The following CDK11A variants were observed in gnomAD, a reference collection of about 807,000 sequenced individuals.
The protein encoded by CDK11A is cyclin dependent kinase 11A.
A neutral mutation model predicts 83.6 loss-of-function variants in CDK11A; 55 were observed. The ratio of observed to expected loss-of-function variants is 0.66; its 90% confidence interval spans 0.53 to 0.82. The LOEUF (loss-of-function observed/expected upper bound fraction) is 0.82. Among genes scored for constraint, CDK11A ranks in the 40% least tolerant of loss-of-function variants. CDK11A has a pLI of 0.00. For missense variants in CDK11A, 564 were observed against 810.1 expected (o/e 0.70, Z 3.69); for synonymous variants, 247 against 302.7 (o/e 0.82, Z 1.91).
intron 11 of CDK11A, among the ~76,000 whole-genome samples, chr1:1,706,099 G>C (rs1298434203): frequency 1.3e-5 from 2 of 150,746 alleles, no homozygotes; most frequent in African/African-American, 4.9e-5. Context: ...TTGAGATGGA[G>C]TCTCGCTCTG....
rs754377026 is a variant in CDK11A at position 1,704,091 on chromosome 1, G to A, written c.1742C>T (p.Pro581Leu). 4.8e-5 allele frequency: 77 copies of A among 1,599,126 alleles called. 3 individuals carry two copies. Among genetic ancestry groups the A allele is most frequent in the African/African-American group, 5.4e-5 (4 of 74,320 alleles). ...GCGGTACCACTGGGTCACCACGACC[G>A]GGGTGTAGGCCTTCAGAGGGGATCC... ...EYGSPLKAYT[P>L]VVVTQWYRAP... is the part of the protein sequence containing the mutation. The change falls in exon 16 of 20, where the codon CCG becomes CTG. Residue 581 changes from proline to leucine, a missense_variant. This residue lies in a region of CDK11A where 361 missense variants were observed against 402.7 expected (regional missense o/e 0.90). Coordinates refer to ENST00000404249, the MANE Select transcript of CDK11A (RefSeq NM_024011.4).
chr1:1,721,723 A>G lies in CDK11A; in HGVS notation c.112-12T>C, dbSNP rs763961101. 4.5e-6 allele frequency: 7 copies of G among 1,549,850 alleles called. No homozygotes were observed. The highest frequency in any genetic ancestry group is 8.8e-7 in the Non-Finnish European group (1 of 1,130,602). ...TCCCGGTCATCAGACTAAGAAGCAA[A>G]GAGAAAGTTAATCATTTTCTTTATA... On this transcript the variant is annotated splice_polypyrimidine_tract_variant and intron_variant, in intron 2 of 19. Transcript: ENST00000404249.
chr1:1,704,122 C>G lies in CDK11A; in HGVS notation c.1711G>C (p.Glu571Gln). 3 of 1,603,966 alleles carry G rather than the reference C, an allele frequency of 1.9e-6. 1 individual carries two copies. Among genetic ancestry groups the G allele is most frequent in the Non-Finnish European group, 2.6e-6 (3 of 1,174,122 alleles). ...LKVGDFGLAR[E>Q]YGSPLKAYTP... ...TAGGCCTTCAGAGGGGATCCGTACTCCCGCGCCAGCCCAAAATCACCCACC... is the reference window on the plus strand; with the variant it reads ...TAGGCCTTCAGAGGGGATCCGTACTGCCGCGCCAGCCCAAAATCACCCACC... Residue 571 changes from glutamate (E) to glutamine (Q), a missense_variant, in exon 16 of 20, where the codon GAG becomes CAG. Physicochemically the swap from Glu to Gln is conservative, Grantham distance 29 (BLOSUM62 2). Coordinates refer to ENST00000404249, the MANE Select transcript of CDK11A (RefSeq NM_024011.4).
Position 1,708,084 on chromosome 1 carries a change from C to G in CDK11A, c.1069+96G>C, listed in dbSNP as rs1333432866. 3.8e-6 allele frequency: 6 copies of G among 1,568,652 alleles called. No individual in the cohort carries two copies. In the East Asian group the frequency reaches 1.4e-4, roughly 36 times the overall value. ...AATCAGGCGGCCTCCCAGACCCTGG[C>G]GTGCCCCACGCCGCGCAGGACCGGC... On this transcript the variant is annotated intron_variant, in intron 10 of 19. Coordinates refer to ENST00000404249, the MANE Select transcript of CDK11A (RefSeq NM_024011.4).
Position 1,703,251 on chromosome 1 carries a change from G to A in CDK11A, c.2079C>T (p.Pro693=), listed in dbSNP as rs770894402. 6.4e-3 allele frequency: 2,973 copies of A among 464,974 alleles called. 42 individuals carry two copies. The African/African-American group carries it at 0.14, about 22-fold the overall frequency. 28.8% of individuals were successfully genotyped at this position (464,974 alleles called of 1,614,324 possible). A position where few individuals can be genotyped will look rare whatever the true frequency, so the allele number is the denominator to read the frequency against. The change falls in exon 19 of 20, where the codon CCC becomes CCT. Residue 693 remains proline, a synonymous_variant. Coordinates refer to ENST00000404249, the MANE Select transcript of CDK11A (RefSeq NM_024011.4). The part of the protein sequence containing the change: ...DLMNKFLTYF[P]GRRISAEDGL... ...CGTCCTCAGCGCTGATCCTCCTCCC[G>A]GGGAAGTAGGTCAGGAACCTGGGGG... is the stretch of plus-strand genomic sequence containing the variant.
At chr1:1,722,112 CA>C (rs964644289) in intron 2 of CDK11A, among the ~76,000 whole-genome samples, 2 of 147,974 alleles carry the variant, frequency 1.4e-5, no homozygotes, top group Admixed American at 6.8e-5. Flanking sequence ...GTCTCAAAAA[CA>C]AAAAAAAAGC....
Position 1,721,925 on chromosome 1 carries a change from G to C in CDK11A, c.112-214C>G, listed in dbSNP as rs922621601. ...CCAGCACTTTGGGAGGCCGAGGCGG[G>C]TGGATCACGAGGTCAGGACATTAAG... On this transcript the variant is annotated intron_variant, in intron 2 of 19. Coordinates refer to ENST00000404249, the MANE Select transcript of CDK11A (RefSeq NM_024011.4). 16 of 497,966 alleles carry C rather than the reference G, an allele frequency of 3.2e-5. 3 individuals are homozygous for C. Among genetic ancestry groups the C allele is most frequent in the Admixed American group, 1.4e-4 (4 of 28,492 alleles). The allele number at this position is 497,966 out of a possible 1,614,324, so 30.8% of individuals were successfully genotyped here. A position where few individuals can be genotyped will look rare whatever the true frequency, so the allele number is the denominator to read the frequency against.
At chr1:1,719,931 C>T (rs920136834) in intron 3 of CDK11A, among the ~76,000 whole-genome samples, 3 of 148,730 alleles carry the variant, frequency 2.0e-5, no homozygotes, top group African/African-American at 7.4e-5. Flanking sequence ...TCTTAAGATT[C>T]AGATGAAAAA....
intron 10 of CDK11A, 49 bp downstream of exon 10, chr1:1,708,131 C>T (rs141165289): frequency 0.083 from 130,421 of 1,562,168 alleles, 10,040 homozygotes; most frequent in African/African-American, 0.39. Flanking sequence ...AGGGCTGCTG[C>T]ACTCGGAGAC....
chr1:1,721,839 A>G (rs1644917748), intron 2 of CDK11A, 128 bp from the exon 3 acceptor site: 1 of 1,299,186 alleles, frequency 7.7e-7, no homozygotes, highest in Non-Finnish European at 1.0e-6. Context: ...ACTCTGAATG[A>G]GCCAGTGTTA....
At chr1:1,718,886 T>A (rs1202559187) in intron 4 of CDK11A, among the ~76,000 whole-genome samples, 2 of 150,870 alleles carry the variant, frequency 1.3e-5, no homozygotes, top group Non-Finnish European at 3.0e-5. Context: ...TCCACCCGCC[T>A]CAGCCTCCCA....
Position 1,704,292 on chromosome 1 carries a change from G to C in CDK11A, c.1617C>G (p.His539Gln), listed in dbSNP as rs377008127. 2.5e-4 allele frequency: 397 copies of C among 1,607,536 alleles called. 18 individuals carry two copies. The highest frequency in any genetic ancestry group is 3.3e-4 in the Non-Finnish European group (392 of 1,176,092). Reference sequence around the variant, plus strand: ...GGTCACGGTGCAGGATCCAGTTGTCGTGCAGGTGTTTCACCCCCCGCAGCA... The same window carrying C: ...GGTCACGGTGCAGGATCCAGTTGTCCTGCAGGTGTTTCACCCCCCGCAGCA... ...IQLLRGVKHLHDNWILHRDLK... is the reference protein window; with the variant it reads ...IQLLRGVKHLQDNWILHRDLK... Residue 539 changes from histidine to glutamine, a missense_variant, in exon 15 of 20, where the codon CAC (histidine) becomes CAG (glutamine). By Grantham distance (24) the His-to-Gln change is conservative (BLOSUM62 0). Around this residue, in one of 5 missense-constraint regions of CDK11A, gnomAD observed 361 missense variants for 402.7 expected, o/e 0.90. Transcript: ENST00000404249.
At chr1:1,718,348 C>T (rs372495455) in intron 4 of CDK11A, among the ~76,000 whole-genome samples, 4 of 150,360 alleles carry the variant, frequency 2.7e-5, no homozygotes, top group South Asian at 2.1e-4. Context: ...CTGTGACACA[C>T]GCATGCTTTC....
At chr1:1,721,860 A>G in intron 2 of CDK11A, 149 bp from the exon 3 acceptor site, 2 of 1,217,136 alleles carry the variant, frequency 1.6e-6, no homozygotes, top group Non-Finnish European at 2.2e-6. Flanking sequence ...TAAAATATAA[A>G]GAATTTTTGG....
At position 1,707,473 on chromosome 1, in the gene CDK11A, T is replaced by C; in HGVS notation, c.1181A>G (p.Asp394Gly). ...CTCGATGGGCAACAGGGCAGGGGAGTCGGGCACATAGTCGCCCTCTGTCAG... is the reference window on the plus strand; with the variant it reads ...CTCGATGGGCAACAGGGCAGGGGAGCCGGGCACATAGTCGCCCTCTGTCAG... ...SALTEGDYVP[D>G]SPALLPIELK... The change falls in exon 11 of 20, where the codon GAC becomes GGC. Residue 394 changes from aspartate (D) to glycine (G), a missense_variant. Asp to Gly is a moderately conservative substitution (Grantham distance 94). Around this residue, in one of 5 missense-constraint regions of CDK11A, gnomAD observed 361 missense variants for 402.7 expected, o/e 0.90. Transcript: ENST00000404249. The C allele has an allele frequency of 2.5e-6, 4 of 1,604,598 alleles. No individual in the cohort carries two copies. Among genetic ancestry groups the C allele is most frequent in the Non-Finnish European group, 3.4e-6 (4 of 1,175,096 alleles).
At chr1:1,716,230 T>C (rs1487213320) in intron 5 of CDK11A, 116 bp downstream of exon 5, 4 of 1,201,114 alleles carry the variant, frequency 3.3e-6, no homozygotes, top group Non-Finnish European at 4.8e-6. Context: ...GCTGTTTCCA[T>C]GTCTACCACT....
rs958955488 is a variant in CDK11A at position 1,713,430 on chromosome 1, GTCT to G, written c.489-1033_489-1031del. 7.9e-4 allele frequency among the ~76,000 whole-genome samples: 43 copies of G among 54,414 alleles called. 5 individuals are homozygous for G. Among genetic ancestry groups the G allele is most frequent in the African/African-American group, 1.5e-3 (42 of 27,388 alleles). The allele number at this position is 54,414 out of a possible 152,430, so 35.7% of individuals were successfully genotyped here. On this transcript the variant is annotated intron_variant, in intron 5 of 19. Coordinates refer to ENST00000404249, the MANE Select transcript of CDK11A (RefSeq NM_024011.4). Reference sequence around the variant, plus strand: ...GGATTTACTTTCCTTGCTTTGTTGTGTCTTTTTTATTCTTCCCTTTTTGATTTT... The same window carrying G: ...GGATTTACTTTCCTTGCTTTGTTGTGTTTTTATTCTTCCCTTTTTGATTTT...
At position 1,703,855 on chromosome 1, in the gene CDK11A, G is replaced by C. The variant is rs757293035; in HGVS notation, c.1880C>G (p.Ser627Trp). ...CACTTTGTTGATCTGATCGATTTCC[G>C]AATTCCCGGGGAACAGAGGCTTCTG... ...LTQKPLFPGN[S>W]EIDQINKVFK... Residue 627 changes from serine (S) to tryptophan (W), a missense_variant, in exon 17 of 20, where the codon TCG (serine) becomes TGG (tryptophan). Transcript: ENST00000404249. 3.7e-6 allele frequency: 6 copies of C among 1,609,662 alleles called. No homozygotes were observed. The Admixed American group carries it at 6.7e-5, about 18-fold the overall frequency.
chr1:1,719,084 T>G (rs962430541), intron 4 of CDK11A: 1 of 262,366 alleles, frequency 3.8e-6, no homozygotes, highest in African/African-American at 2.2e-5. Flanking sequence ...GTTTTCGGTC[T>G]GTGACGCACA....
Sources: gnomAD v4.1 joint callset for allele counts (sites outside exome capture counted in the v4.1 genomes callset) on GRCh38, gnomAD v4.1.1 for gene constraint, gnomAD v4.1.1 regional missense constraint, MANE v1.5 for transcripts, NCBI Gene and HGNC (gene_info 2026-07-23, HGNC 2026-07-21) for gene names.